Variants in ZFYVE26 observed in about 807,000 individuals in gnomAD.
The protein encoded by ZFYVE26 is zinc finger FYVE-type containing 26.
ZFYVE26 carries 181 observed loss-of-function variants against 276.5 expected under a neutral mutation model. That is an observed-to-expected ratio of 0.65 (90% CI 0.58 to 0.74). The LOEUF is 0.74. Ranked by LOEUF, ZFYVE26 falls within the 30% of genes least tolerant of loss-of-function variation. ZFYVE26 has a pLI of 0.00. For missense variants in ZFYVE26, 2,821 were observed against 3,097.9 expected, an observed-to-expected ratio of 0.91 and a Z score of 2.12; for synonymous variants, 1,129 against 1,203.1, an observed-to-expected ratio of 0.94 and a Z score of 1.27.
rs182392896 is a variant in ZFYVE26, at chr14:67,779,526, C to T, written c.4674+715G>A. ...GCAGTGAGCCAAGATTGCGCCATTG[C>T]ACTCCAGCCTGGGTGAAATAGCAAG... is the stretch of plus-strand genomic sequence containing the variant. On this transcript the variant is annotated intron_variant, in intron 23 of 41. Coordinates refer to ENST00000347230, the MANE Select transcript of ZFYVE26 (RefSeq NM_015346.4). 5.4e-3 allele frequency among the ~76,000 whole-genome samples: 820 copies of T among 152,196 alleles called. 5 individuals are homozygous for T. Among genetic ancestry groups the T allele is most frequent in the Middle Eastern group, 0.017 (5 of 294 alleles).
chr14:67,782,085 T>A (rs1013202048), intron 21 of ZFYVE26, among the ~76,000 whole-genome samples: 1 of 152,228 alleles, frequency 6.6e-6, no homozygotes, highest in Non-Finnish European at 1.5e-5. Flanking sequence ...TCTCCACCTT[T>A]TCAAGGATGG....
At chr14:67,744,331 C>G (rs1029296976), downstream of ZFYVE26, among the ~76,000 whole-genome samples, 5 of 152,042 alleles carry the variant, frequency 3.3e-5, no homozygotes, top group Admixed American at 3.3e-4. Flanking sequence ...ACGTCTACTA[C>G]CAGGTGGTTT....
chr14:67,812,307 ATTGCTT>A (rs1178639940), intron 3 of ZFYVE26, among the ~76,000 whole-genome samples: 1 of 152,216 alleles, frequency 6.6e-6, no homozygotes, highest in Non-Finnish European at 1.5e-5. Flanking sequence ...TCTTTGTATA[ATTGCTT>A]ACACATGGAG....
rs1406472452 is a variant in ZFYVE26 at position 67,783,234 on chromosome 14, G to A, written c.3918C>T (p.Ala1306=). 3.7e-6 allele frequency: 6 copies of A among 1,613,858 alleles called. No homozygotes were observed. The highest frequency in any genetic ancestry group is 5.1e-6 in the Non-Finnish European group (6 of 1,179,870). The change falls in exon 21 of 42, where the codon GCC becomes GCT. Residue 1306 remains alanine (A), a synonymous_variant. Coordinates refer to ENST00000347230, the MANE Select transcript of ZFYVE26 (RefSeq NM_015346.4). ...GGAGCTTTGAGCGTGACTTAAGAAA[G>A]GCCAAGGCAGAGGAGGTGAGGGCTG... is the stretch of plus-strand genomic sequence containing the variant. ...SLPALTSSAL[A]FLKSRSKLLA... is the part of the protein sequence containing the mutation.
At chr14:67,809,589 A>C (rs1344245048) in intron 3 of ZFYVE26, among the ~76,000 whole-genome samples, 1 of 151,068 alleles carries the variant, frequency 6.6e-6, no homozygotes, top group African/African-American at 2.4e-5. Context: ...CGTCCAGCTA[A>C]TTTTTATATT....
At chr14:67,757,979 T>A (rs2038831418) in intron 35 of ZFYVE26, among the ~76,000 whole-genome samples, 3 of 152,148 alleles carry the variant, frequency 2.0e-5, no homozygotes. Context: ...CCTCCCAGAG[T>A]GCTGGGATTA....
chr14:67,815,463 G>A, intron 2 of ZFYVE26: 1 of 396,620 alleles, frequency 2.5e-6, no homozygotes, highest in South Asian at 2.8e-5. Flanking sequence ...TTGCTTTTTT[G>A]GAGGCAAAGA....
intron 13 of ZFYVE26, chr14:67,735,320 G>A (rs538221819): frequency 1.4e-5 from 11 of 801,348 alleles, no homozygotes; most frequent in African/African-American, 5.0e-5. Flanking sequence ...TGTCTCGCCC[G>A]ACACCAAAAG....
chr14:67,771,819 A>C (rs2039217223), intron 28 of ZFYVE26, among the ~76,000 whole-genome samples: 1 of 152,200 alleles, frequency 6.6e-6, no homozygotes, highest in Non-Finnish European at 1.5e-5. Context: ...TCTCATGACA[A>C]TGGCAAAGAT....
At chr14:67,774,316 T>C (rs988019403) in intron 27 of ZFYVE26, among the ~76,000 whole-genome samples, 8 of 152,062 alleles carry the variant, frequency 5.3e-5, no homozygotes, top group Non-Finnish European at 8.8e-5. Flanking sequence ...TTGGCCAACA[T>C]GGTGAAACCC....
At chr14:67,805,661 G>C (rs780146081) in intron 6 of ZFYVE26, 43 bp from the exon 7 acceptor site, 1 of 1,600,648 alleles carries the variant, frequency 6.2e-7, no homozygotes, top group East Asian at 2.2e-5. Flanking sequence ...ATGTGGATGA[G>C]ACAGAATGGG....
intron 10 of ZFYVE26, chr14:67,799,659 G>A: frequency 7.8e-7 from 1 of 1,287,518 alleles, no homozygotes; most frequent in Non-Finnish European, 1.1e-6. Flanking sequence ...TGCCATGGTA[G>A]GCAAGGTGCT....
At chr14:67,806,069 T>G (rs950457092) in intron 6 of ZFYVE26, among the ~76,000 whole-genome samples, 1 of 152,092 alleles carries the variant, frequency 6.6e-6, no homozygotes, top group African/African-American at 2.4e-5. Flanking sequence ...AAATAAATGT[T>G]TATGAAAACA....
Position 67,755,354 on chromosome 14 carries a change from C to T in ZFYVE26, c.6787-104G>A, listed in dbSNP as rs374821864. On this transcript the variant is annotated intron_variant, in intron 36 of 41. Transcript: ENST00000347230. ...ATTTCTGCCTATGAGACCTTGTTTC[C>T]AGCACCCACTCCCACCACCAGCTGA... The T allele has an allele frequency of 7.6e-5, 101 of 1,321,186 alleles. No individual in the cohort carries two copies. In the South Asian group the frequency reaches 1.2e-3, roughly 16 times the overall value. The allele number at this position is 1,321,186 out of a possible 1,614,324, so 81.8% of individuals were successfully genotyped here. A position where few individuals can be genotyped will look rare whatever the true frequency, so the allele number is the denominator to read the frequency against.
intron 35 of ZFYVE26, among the ~76,000 whole-genome samples, chr14:67,757,113 C>G (rs553865996): frequency 2.0e-5 from 3 of 152,190 alleles, no homozygotes; most frequent in African/African-American, 4.8e-5. Flanking sequence ...TTCCCACCAC[C>G]TCCCCTGGAC....
At chr14:67,774,743 T>C (rs2039296388) in intron 27 of ZFYVE26, among the ~76,000 whole-genome samples, 1 of 152,224 alleles carries the variant, frequency 6.6e-6, no homozygotes, top group Admixed American at 6.5e-5. Flanking sequence ...GAGATACGTG[T>C]ATACATGTAC....
chr14:67,811,115 C>A lies in ZFYVE26; in HGVS notation c.274-1826G>T, dbSNP rs566896626. Among the ~76,000 whole-genome samples, 7 of 152,236 alleles carry A rather than the reference C, an allele frequency of 4.6e-5. No homozygotes were observed. The South Asian group carries it at 1.5e-3, about 32-fold the overall frequency. On this transcript the variant is annotated intron_variant, in intron 3 of 41. Transcript: ENST00000347230. ...TGGAAGCTGGTGGATAAAATTCATG[C>A]TGGGAAGCTGAGGATTAGTGCTTCT...
chr14:67,741,508 T>A (rs2038414989), intron 13 of ZFYVE26, among the ~76,000 whole-genome samples: 1 of 152,194 alleles, frequency 6.6e-6, no homozygotes, highest in Non-Finnish European at 1.5e-5. Flanking sequence ...GGACCTTTGA[T>A]GTGCCAGATA....
At chr14:67,769,847 G>A in intron 28 of ZFYVE26, 117 bp from the exon 29 acceptor site, 1 of 1,394,374 alleles carries the variant, frequency 7.2e-7, no homozygotes, top group Admixed American at 1.8e-5. Flanking sequence ...AACACCAACT[G>A]CTTGGGTCTC....
Sources: allele counts gnomAD v4.1 joint callset (sites outside exome capture counted in the v4.1 genomes callset), GRCh38; gene constraint gnomAD v4.1.1; transcripts MANE v1.5; gene names NCBI Gene and HGNC (gene_info 2026-07-23, HGNC 2026-07-21).